SHISAL1: variants seen among roughly 807,000 people sequenced by gnomAD.
SHISAL1 encodes shisa like 1.
Under a neutral mutation model 22.6 loss-of-function variants are expected in SHISAL1, and 9 were observed. That is an observed-to-expected ratio of 0.40 (90% confidence interval 0.24 to 0.70). The LOEUF (loss-of-function observed/expected upper bound fraction) is 0.70, where lower values mean the gene tolerates loss of function less well. Among genes scored for constraint, SHISAL1 ranks in the 30% least tolerant of loss-of-function variants. The pLI is 0.39. For synonymous variants in SHISAL1, 119 were observed against 115.4 expected (o/e 1.03, Z -0.20); for missense variants, 246 against 270.6 (o/e 0.91, Z 0.64).
the SHISAL1 span, among the ~76,000 whole-genome samples, chr22:44,325,382 G>C: frequency 6.6e-6 from 1 of 152,170 alleles, no homozygotes; most frequent in Non-Finnish European, 1.5e-5. Context: ...TCTGGACGCA[G>C]AGACCGAGGC....
Position 44,249,399 on chromosome 22 carries a change from T to C in SHISAL1, c.*286A>G. ...GTTGCTTTGTCTTGGTCATCCTGAG[T>C]CCACAATGAGTCACCTCTCAGAAGC... On this transcript the variant is annotated 3_prime_UTR_variant, in exon 5 of 5. Coordinates refer to ENST00000381176, the MANE Select transcript of SHISAL1 (RefSeq NM_001099294.2). The C allele has an allele frequency of 2.6e-6, 1 of 381,378 alleles. No homozygotes were observed. The highest frequency in any genetic ancestry group is 4.7e-5 in the East Asian group (1 of 21,168). 23.6% of individuals were successfully genotyped at this position (381,378 alleles called of 1,614,324 possible).
chr22:44,323,073 C>T, the SHISAL1 span, among the ~76,000 whole-genome samples: 1 of 142,230 alleles, frequency 7.0e-6, no homozygotes, highest in Admixed American at 6.9e-5. Flanking sequence ...ACCTCACCCA[C>T]CCATCCACCC....
chr22:44,279,986 A>G (rs1305461837), intron 4 of SHISAL1, among the ~76,000 whole-genome samples: 1 of 152,104 alleles, frequency 6.6e-6, no homozygotes. Flanking sequence ...CCAAGTTGGG[A>G]ATTTTTCCCT....
intron 4 of SHISAL1, among the ~76,000 whole-genome samples, chr22:44,257,101 G>A (rs138832997): frequency 6.6e-6 from 1 of 152,326 alleles, no homozygotes; most frequent in Non-Finnish European, 1.5e-5. Flanking sequence ...TTGGGTTTCT[G>A]CTTCACTGCT....
At chr22:44,296,568 T>C in intron 3 of SHISAL1, 104 bp downstream of exon 3, 1 of 951,834 alleles carries the variant, frequency 1.1e-6, no homozygotes, top group South Asian at 1.5e-5. Flanking sequence ...CACCCAACCT[T>C]ATAGCGGTTA....
At chr22:44,269,821 G>A (rs576557412) in intron 4 of SHISAL1, among the ~76,000 whole-genome samples, 1 of 152,038 alleles carries the variant, frequency 6.6e-6, no homozygotes, top group Non-Finnish European at 1.5e-5. Flanking sequence ...TGCCCTCTCC[G>A]CCTCTCCCCT....
intron 1 of SHISAL1, among the ~76,000 whole-genome samples, chr22:44,312,513 C>T (rs1003777650): frequency 2.0e-5 from 3 of 152,204 alleles, no homozygotes; most frequent in African/African-American, 4.8e-5. Flanking sequence ...AGCATCTGTG[C>T]ACCCCCACAG....
chr22:44,325,631 G>C, the SHISAL1 span, among the ~76,000 whole-genome samples: 1 of 152,148 alleles, frequency 6.6e-6, no homozygotes, highest in Non-Finnish European at 1.5e-5. Context: ...CCGCCTGGCT[G>C]CGACTCTGGC....
chr22:44,249,603 C>T lies in SHISAL1; in HGVS notation c.*82G>A, dbSNP rs1331845228. 1 of 774,528 alleles carries T rather than the reference C, an allele frequency of 1.3e-6. No individual in the cohort carries two copies. The highest frequency in any genetic ancestry group is 2.4e-6 in the Non-Finnish European group (1 of 415,910). The allele number at this position is 774,528 out of a possible 1,614,324, so 48.0% of individuals were successfully genotyped here. A position where few individuals can be genotyped will look rare whatever the true frequency, so the allele number is the denominator to read the frequency against. On this transcript the variant is annotated 3_prime_UTR_variant, in exon 5 of 5. Transcript: ENST00000381176. ...GCTACCTCGGCTGTCCCTGGCATCT[C>T]TGTAGAAGTTGTTCTTCTCGGAGGC...
intron 1 of SHISAL1, 88 bp from the exon 2 acceptor site, chr22:44,301,065 G>T: frequency 1.2e-6 from 1 of 855,672 alleles, no homozygotes. Context: ...GGGCAGGCGG[G>T]CAGCGGGCAG....
chr22:44,319,783 G>C, the SHISAL1 span, among the ~76,000 whole-genome samples: 2 of 152,208 alleles, frequency 1.3e-5, no homozygotes, highest in South Asian at 2.1e-4. Context: ...TCAGCATTTG[G>C]CTCAAGTCGT....
intron 4 of SHISAL1, among the ~76,000 whole-genome samples, chr22:44,257,844 T>TTAAAAG (rs1327080447): frequency 6.6e-6 from 1 of 152,228 alleles, no homozygotes; most frequent in African/African-American, 2.4e-5. Flanking sequence ...GCTGCTTCTT[T>TTAAAAG]TTAAAAAACT....
At chr22:44,330,475 G>C in the SHISAL1 span, among the ~76,000 whole-genome samples, 1 of 152,178 alleles carries the variant, frequency 6.6e-6, no homozygotes, top group Non-Finnish European at 1.5e-5. Flanking sequence ...CATCCCCAGA[G>C]GTGCTCTCCC....
intron 3 of SHISAL1, 98 bp downstream of exon 3, chr22:44,296,574 G>A (rs775150999): frequency 1.6e-5 from 16 of 1,019,002 alleles, no homozygotes; most frequent in African/African-American, 9.5e-5. Flanking sequence ...ACCTTATAGC[G>A]GTTACCCAAC....
chr22:44,285,567 G>C lies in SHISAL1; in HGVS notation c.460C>G (p.Arg154Gly), dbSNP rs757448925. Reference sequence around the variant, plus strand: ...GCCCGCTGACCCGGCCGAGGGGCCCGAGCGGGGTTCCCCCACCGCCGGGGG... The same window carrying C: ...GCCCGCTGACCCGGCCGAGGGGCCCCAGCGGGGTTCCCCCACCGCCGGGGG... ...QDPRRWGNPA[R>G]APRPGQRAPQ... The change falls in exon 4 of 5, where the codon CGG becomes GGG. Residue 154 changes from arginine (R) to glycine (G), a missense_variant. By Grantham distance (125) the Arg-to-Gly change is moderately radical (BLOSUM62 -2). This residue lies in a region of SHISAL1 where 136 missense variants were observed against 117.5 expected (regional missense o/e 1.16). Coordinates refer to ENST00000381176, the MANE Select transcript of SHISAL1 (RefSeq NM_001099294.2). The C allele has an allele frequency of 1.2e-6, 2 of 1,613,504 alleles. No individual in the cohort carries two copies. Among genetic ancestry groups the C allele is most frequent in the Non-Finnish European group, 1.7e-6 (2 of 1,179,494 alleles).
intron 4 of SHISAL1, among the ~76,000 whole-genome samples, chr22:44,259,217 G>A (rs947396595): frequency 6.6e-6 from 1 of 152,154 alleles, no homozygotes; most frequent in African/African-American, 2.4e-5. Flanking sequence ...GCCGAGGCGG[G>A]CGGATCACGA....
At position 44,300,510 on chromosome 22, in the gene SHISAL1, C is replaced by T. The variant is rs908332723; in HGVS notation, c.67+369G>A. Among the ~76,000 whole-genome samples, 6 of 152,226 alleles carry T rather than the reference C, an allele frequency of 3.9e-5. No homozygotes were observed. In the East Asian group the frequency reaches 1.2e-3, roughly 29 times the overall value. On this transcript the variant is annotated intron_variant, in intron 2 of 4. Transcript: ENST00000381176. ...GCCTTGTCCTAGGCAAGTCAGGTCC[C>T]TCTCCAAGCCTCAGTTTCCTCATCT...
At position 44,248,815 on chromosome 22, in the gene SHISAL1, G is replaced by C. The variant is rs534248009; in HGVS notation, c.*870C>G. On this transcript the variant is annotated 3_prime_UTR_variant, in exon 5 of 5. Transcript: ENST00000381176. ...GTACCCCGGCTGGCGAGCATGTCAC[G>C]TCCAGGGAGTTGGAGCCTGGACTTT... 1 of 152,164 alleles carries C rather than the reference G, an allele frequency of 6.6e-6. No individual in the cohort carries two copies. Among genetic ancestry groups the C allele is most frequent in the African/African-American group, 2.4e-5 (1 of 41,414 alleles). 9.4% of individuals were successfully genotyped at this position (152,164 alleles called of 1,614,324 possible). A position where few individuals can be genotyped will look rare whatever the true frequency, so the allele number is the denominator to read the frequency against.
chr22:44,267,210 G>T (rs1449852011), intron 4 of SHISAL1, among the ~76,000 whole-genome samples: 1 of 152,032 alleles, frequency 6.6e-6, no homozygotes, highest in Non-Finnish European at 1.5e-5. Flanking sequence ...GACCCCATTT[G>T]CCCTGGAGTT....
Sources: gnomAD v4.1 joint callset for allele counts (sites outside exome capture counted in the v4.1 genomes callset) on GRCh38, gnomAD v4.1.1 for gene constraint, gnomAD v4.1.1 regional missense constraint, MANE v1.5 for transcripts, NCBI Gene and HGNC (gene_info 2026-07-23, HGNC 2026-07-21) for gene names.